MSRA: variants seen among roughly 807,000 people sequenced by gnomAD.
MSRA encodes methionine sulfoxide reductase A.
MSRA carries 54 observed loss-of-function variants against 31.3 expected under a neutral mutation model. The observed-to-expected ratio is 1.73, with a 90% CI of 1.39 to 2.17. The LOEUF is 2.17. Among genes scored for constraint, MSRA ranks in the 30% most tolerant of loss-of-function variants. The probability of loss-of-function intolerance (pLI) is 0.00; values close to 1 mark genes in which losing one functional copy is unlikely to be tolerated. For synonymous variants in MSRA, 169 were observed against 116.5 expected, an observed-to-expected ratio of 1.45 and a Z score of -2.90; for missense variants, 507 against 300.9, an observed-to-expected ratio of 1.69 and a Z score of -5.07.
chr8:10,220,060 G>A (rs920085328), intron 2 of MSRA, among the ~76,000 whole-genome samples: 3 of 152,052 alleles, frequency 2.0e-5, no homozygotes, highest in Admixed American at 1.3e-4. Context: ...CCCAAGTAGT[G>A]TGAACAGTGA....
chr8:10,347,615 C>T (rs1414121353), intron 5 of MSRA, among the ~76,000 whole-genome samples: 4 of 152,212 alleles, frequency 2.6e-5, no homozygotes, highest in Non-Finnish European at 5.9e-5. Flanking sequence ...GTCACCCTCT[C>T]GAATCCATCC....
chr8:10,127,520 A>ATC (rs1410029782), intron 1 of MSRA, among the ~76,000 whole-genome samples: 3 of 152,324 alleles, frequency 2.0e-5, no homozygotes, highest in South Asian at 2.1e-4. Context: ...GCTGGTGGTC[A>ATC]TCTTACTGGT....
chr8:10,423,524 T>C (rs1011154850), intron 5 of MSRA, among the ~76,000 whole-genome samples: 2 of 149,216 alleles, frequency 1.3e-5, no homozygotes, highest in African/African-American at 4.9e-5. Context: ...GGAGGGGGGG[T>C]GGCAGCAGAG....
intron 5 of MSRA, among the ~76,000 whole-genome samples, chr8:10,382,227 G>A (rs917351348): frequency 3.3e-5 from 5 of 152,178 alleles, no homozygotes; most frequent in African/African-American, 1.2e-4. Context: ...TCTTATGGCT[G>A]CTCTTCCAAG....
chr8:10,207,120 G>T (rs1459447092), intron 1 of MSRA, among the ~76,000 whole-genome samples: 1 of 152,196 alleles, frequency 6.6e-6, no homozygotes, highest in African/African-American at 2.4e-5. Context: ...ATTGTCTATT[G>T]ATCACAGTTT....
intron 4 of MSRA, among the ~76,000 whole-genome samples, chr8:10,302,280 A>G (rs1800889697): frequency 1.3e-5 from 2 of 152,242 alleles, no homozygotes; most frequent in Admixed American, 1.3e-4. Context: ...TATCATTGTA[A>G]TATTCAATAA....
chr8:10,401,205 C>G (rs1214278689), intron 5 of MSRA, among the ~76,000 whole-genome samples: 2 of 152,008 alleles, frequency 1.3e-5, no homozygotes, highest in Non-Finnish European at 2.9e-5. Flanking sequence ...TACAACTCAA[C>G]AACCACAAAG....
At chr8:10,331,404 G>A (rs1802692077) in intron 5 of MSRA, among the ~76,000 whole-genome samples, 1 of 152,194 alleles carries the variant, frequency 6.6e-6, no homozygotes, top group Non-Finnish European at 1.5e-5. Flanking sequence ...ACAGTGGAAT[G>A]TTGTACGGCT....
chr8:10,276,155 C>CT (rs1799310664), intron 3 of MSRA, among the ~76,000 whole-genome samples: 2 of 152,194 alleles, frequency 1.3e-5, no homozygotes, highest in Admixed American at 1.3e-4. Context: ...GGTGGCTACT[C>CT]TGTTTCTTTA....
chr8:10,255,689 G>A (rs946417681), intron 3 of MSRA, among the ~76,000 whole-genome samples: 10 of 151,994 alleles, frequency 6.6e-5, no homozygotes, highest in Admixed American at 6.6e-4. Flanking sequence ...AATGCTCTGG[G>A]GAACAATCAT....
chr8:10,384,088 C>A (rs965653257), intron 5 of MSRA, among the ~76,000 whole-genome samples: 1 of 152,140 alleles, frequency 6.6e-6, no homozygotes, highest in Non-Finnish European at 1.5e-5. Context: ...CATTTAGCTG[C>A]CAGTTTCAGG....
intron 5 of MSRA, among the ~76,000 whole-genome samples, chr8:10,420,115 G>T (rs945167996): frequency 1.3e-5 from 2 of 152,038 alleles, no homozygotes; most frequent in East Asian, 3.9e-4. Flanking sequence ...AAAAAGAAAG[G>T]GTATTCTGAC....
chr8:10,154,837 C>A (rs1563159689), intron 1 of MSRA, among the ~76,000 whole-genome samples: 2 of 150,404 alleles, frequency 1.3e-5, no homozygotes, highest in African/African-American at 2.4e-5. Flanking sequence ...ATTTTTTTTT[C>A]TTGGAAATAG....
intron 1 of MSRA, among the ~76,000 whole-genome samples, chr8:10,107,441 C>G (rs1264020347): frequency 6.6e-6 from 1 of 152,086 alleles, no homozygotes; most frequent in Non-Finnish European, 1.5e-5. Flanking sequence ...CCTTGTGGTA[C>G]TCGTACTCAG....
intron 2 of MSRA, among the ~76,000 whole-genome samples, chr8:10,237,048 G>A (rs576161664): frequency 6.6e-6 from 1 of 152,298 alleles, no homozygotes; most frequent in East Asian, 1.9e-4. Flanking sequence ...ATTTATAAGG[G>A]CTCTAGAATA....
Position 10,428,536 on chromosome 8 carries a change from T to A in MSRA, c.*224T>A. The A allele has an allele frequency of 2.0e-6, 1 of 492,048 alleles. No individual in the cohort carries two copies. The highest frequency in any genetic ancestry group is 4.0e-5 in the East Asian group (1 of 24,832). The allele number at this position is 492,048 out of a possible 1,614,324, so 30.5% of individuals were successfully genotyped here. ...ATGGTGGGAGTGGAGCTGTGCAGTT[T>A]CCTGTGTCTTCTGGGGTCTGAGTGA... is the stretch of plus-strand genomic sequence containing the variant. On this transcript the variant is annotated 3_prime_UTR_variant, in exon 6 of 6. Coordinates refer to ENST00000317173, the MANE Select transcript of MSRA (RefSeq NM_012331.5).
intron 1 of MSRA, among the ~76,000 whole-genome samples, chr8:10,077,410 T>C (rs1798045595): frequency 6.6e-6 from 1 of 152,024 alleles, no homozygotes; most frequent in Non-Finnish European, 1.5e-5. Flanking sequence ...TGGGAAGATG[T>C]TGAAGAAAAT....
At chr8:10,362,929 G>T (rs1302060068) in intron 5 of MSRA, among the ~76,000 whole-genome samples, 2 of 151,972 alleles carry the variant, frequency 1.3e-5, no homozygotes, top group East Asian at 1.9e-4. Flanking sequence ...CTGCTTAAAT[G>T]TCATTTGTGA....
chr8:10,188,726 G>C (rs139618178), intron 1 of MSRA, among the ~76,000 whole-genome samples: 226 of 152,250 alleles, frequency 1.5e-3, no homozygotes, highest in Non-Finnish European at 2.6e-3. Flanking sequence ...TCTCTATTCT[G>C]TTCCACTCAT....
Sources: gnomAD v4.1 joint callset for allele counts (sites outside exome capture counted in the v4.1 genomes callset) on GRCh38, gnomAD v4.1.1 for gene constraint, MANE v1.5 for transcripts, NCBI Gene and HGNC (gene_info 2026-07-23, HGNC 2026-07-21) for gene names.